The following GAB2 variants were observed in gnomAD, a reference collection of about 807,000 sequenced individuals.
GAB2 encodes the protein GRB2 associated binding protein 2, also known as GRB2-associated-binding protein 2.
Under a neutral mutation model 65.5 loss-of-function variants are expected in GAB2, and 26 were observed. The ratio of observed to expected loss-of-function variants is 0.40; its 90% CI spans 0.29 to 0.55. The LOEUF (loss-of-function observed/expected upper bound fraction) is 0.55, where lower values mean the gene tolerates loss of function less well. Ranked by LOEUF, GAB2 falls within the 20% of genes least tolerant of loss-of-function variation. GAB2 has a pLI of 0.53. For synonymous variants in GAB2, 321 were observed against 329.6 expected, an observed-to-expected ratio of 0.97 and a Z score of 0.28; for missense variants, 884 against 875.8, an observed-to-expected ratio of 1.01 and a Z score of -0.12.
chr11:78,351,710 C>T (rs777660463), intron 1 of GAB2, among the ~76,000 whole-genome samples: 3 of 152,152 alleles, frequency 2.0e-5, no homozygotes, highest in Non-Finnish European at 4.4e-5. Flanking sequence ...AGAAGACAAG[C>T]AGGGAGCTAG....
chr11:78,309,764 A>T (rs1018124865), intron 1 of GAB2, among the ~76,000 whole-genome samples: 7 of 152,102 alleles, frequency 4.6e-5, no homozygotes, highest in African/African-American at 1.7e-4. Context: ...GAAACAGAAA[A>T]GCTGCTTTTC....
chr11:78,339,065 G>A (rs757885193), intron 1 of GAB2, among the ~76,000 whole-genome samples: 1 of 152,030 alleles, frequency 6.6e-6, no homozygotes, highest in Non-Finnish European at 1.5e-5. Context: ...TGGGATTATA[G>A]GCATGTGTCA....
chr11:78,362,137 A>C (rs1249891358), intron 1 of GAB2, among the ~76,000 whole-genome samples: 1 of 151,870 alleles, frequency 6.6e-6, no homozygotes. Context: ...TAAATGGAGG[A>C]GTTAATACGT....
chr11:78,307,676 C>T lies in GAB2; in HGVS notation c.76-26775G>A, dbSNP rs551368588. 3.2e-4 allele frequency among the ~76,000 whole-genome samples: 48 copies of T among 149,534 alleles called. No homozygotes were observed. The South Asian group carries it at 6.3e-3, about 20-fold the overall frequency. Reference sequence around the variant, plus strand: ...TACGATTTAAAGGGGCTCCCAATGTCCAAGTTGTAACATTTTAAGTTTATA... The same window carrying T: ...TACGATTTAAAGGGGCTCCCAATGTTCAAGTTGTAACATTTTAAGTTTATA... On this transcript the variant is annotated intron_variant, in intron 1 of 9. Coordinates refer to ENST00000361507, the MANE Select transcript of GAB2 (RefSeq NM_080491.3).
chr11:78,346,713 ATATATATAATT>A (rs1565168270), intron 1 of GAB2, among the ~76,000 whole-genome samples: 2 of 49,484 alleles, frequency 4.0e-5, no homozygotes, highest in African/African-American at 1.8e-4. Flanking sequence ...ATATATATAT[ATATATATAATT>A]TTTTTTTTTT....
At chr11:78,309,814 C>T (rs1855449442) in intron 1 of GAB2, among the ~76,000 whole-genome samples, 1 of 152,026 alleles carries the variant, frequency 6.6e-6, no homozygotes, top group South Asian at 2.1e-4. Context: ...CTAGTTCTAC[C>T]TTGGATAGGG....
chr11:78,415,521 T>C (rs1225736449), intron 1 of GAB2, among the ~76,000 whole-genome samples: 1 of 152,236 alleles, frequency 6.6e-6, no homozygotes, highest in Non-Finnish European at 1.5e-5. Flanking sequence ...GTTACACATA[T>C]CACCAGTTTC....
chr11:78,265,729 C>A (rs986647293), intron 2 of GAB2, among the ~76,000 whole-genome samples: 5 of 152,012 alleles, frequency 3.3e-5, no homozygotes, highest in East Asian at 1.9e-4. Flanking sequence ...TGTTAAAGTA[C>A]ATGTTATATG....
At chr11:78,258,677 A>C (rs1304437125) in intron 2 of GAB2, among the ~76,000 whole-genome samples, 2 of 151,600 alleles carry the variant, frequency 1.3e-5, no homozygotes, top group Non-Finnish European at 2.9e-5. Context: ...GGCTCATTGC[A>C]GCCTCGACCT....
Position 78,217,615 on chromosome 11 carries a change from T to A in GAB2, c.*1657A>T, listed in dbSNP as rs1864215014. ...TGGTCTGTCCTGTTGCTTCTGAAAC[T>A]CTTGAAAATTTAGTCAAGAACAGTC... On this transcript the variant is annotated 3_prime_UTR_variant, in exon 10 of 10. Transcript: ENST00000361507. The A allele has an allele frequency of 6.6e-6, 1 of 152,174 alleles. No homozygotes were observed. The allele number at this position is 152,174 out of a possible 1,614,324, so 9.4% of individuals were successfully genotyped here.
chr11:78,250,443 T>C, intron 2 of GAB2, 43 bp from the exon 3 acceptor site: 1 of 1,561,650 alleles, frequency 6.4e-7, no homozygotes, highest in South Asian at 1.1e-5. Flanking sequence ...AGGAAGGAAA[T>C]GTATCCTTAT....
At chr11:78,257,798 TA>T (rs1248915465) in intron 2 of GAB2, among the ~76,000 whole-genome samples, 1 of 151,932 alleles carries the variant, frequency 6.6e-6, no homozygotes, top group African/African-American at 2.4e-5. Flanking sequence ...CCCTGTGAGG[TA>T]CATATTATTA....
intron 1 of GAB2, among the ~76,000 whole-genome samples, chr11:78,288,618 T>TA (rs146502011): frequency 0.021 from 3,248 of 152,170 alleles, 115 homozygotes; most frequent in African/African-American, 0.074. Flanking sequence ...GGTATAAATC[T>TA]AAAAAAATCG....
intron 2 of GAB2, among the ~76,000 whole-genome samples, chr11:78,251,236 C>T (rs1865447009): frequency 6.6e-6 from 1 of 152,128 alleles, no homozygotes; most frequent in Non-Finnish European, 1.5e-5. Context: ...TGCCTTACTG[C>T]ATTAATGAGA....
chr11:78,304,852 C>T (rs1855323487), intron 1 of GAB2, among the ~76,000 whole-genome samples: 2 of 152,194 alleles, frequency 1.3e-5, no homozygotes, highest in Admixed American at 6.5e-5. Flanking sequence ...AAATTTTCAA[C>T]CTTCCCTCCC....
At chr11:78,346,695 ATATATATATATATATATATATATATAAT>A (rs1436101766) in intron 1 of GAB2, among the ~76,000 whole-genome samples, 17 of 95,276 alleles carry the variant, frequency 1.8e-4, no homozygotes, top group African/African-American at 8.3e-4. Context: ...ATATATATAT[ATATATATATATATATATATATATATAAT>A]TTTTTTTTTT....
intron 1 of GAB2, among the ~76,000 whole-genome samples, chr11:78,355,416 A>T (rs1856343893): frequency 6.6e-6 from 1 of 152,174 alleles, no homozygotes; most frequent in Admixed American, 6.5e-5. Context: ...GGCCAACTCT[A>T]TTTGATCTTC....
intron 1 of GAB2, among the ~76,000 whole-genome samples, chr11:78,325,608 G>T (rs1335381805): frequency 6.6e-6 from 1 of 152,116 alleles, no homozygotes; most frequent in Admixed American, 6.6e-5. Flanking sequence ...TTCAGCCCTG[G>T]GGGTTTATGA....
At chr11:78,365,077 C>T (rs1432239136) in intron 1 of GAB2, among the ~76,000 whole-genome samples, 1 of 152,030 alleles carries the variant, frequency 6.6e-6, no homozygotes, top group Non-Finnish European at 1.5e-5. Flanking sequence ...TTTAGTGTAC[C>T]TGTCACCCCA....
Sources: allele counts gnomAD v4.1 joint callset (sites outside exome capture counted in the v4.1 genomes callset), GRCh38; gene constraint gnomAD v4.1.1; transcripts MANE v1.5; gene names NCBI Gene and HGNC (gene_info 2026-07-23, HGNC 2026-07-21).